The following GPHN variants were observed in gnomAD, a reference collection of about 807,000 sequenced individuals.
GPHN encodes gephyrin.
GPHN carries 17 observed loss-of-function variants against 95.5 expected under a neutral mutation model. The observed-to-expected ratio is 0.18, with a 90% CI of 0.12 to 0.27. The LOEUF is 0.27. Among genes scored for constraint, GPHN ranks in the 10% least tolerant of loss-of-function variants. The pLI is 1.00. For missense variants in GPHN, 660 were observed against 978.1 expected (o/e 0.67, Z 4.34); for synonymous variants, 320 against 322.5 (o/e 0.99, Z 0.08).
intron 12 of GPHN, among the ~76,000 whole-genome samples, chr14:67,096,656 C>T (rs1168417619): frequency 1.4e-5 from 2 of 142,766 alleles, no homozygotes; most frequent in East Asian, 2.1e-4. Context: ...CGCTATGTTG[C>T]TCTGGCTGGA....
At chr14:67,349,991 C>A in the GPHN span, among the ~76,000 whole-genome samples, 2 of 152,186 alleles carry the variant, frequency 1.3e-5, no homozygotes, top group African/African-American at 4.8e-5. Context: ...AGCCAAGTGA[C>A]CTCAGGAAGG....
chr14:67,663,117 T>C, the GPHN span: 2 of 1,524,132 alleles, frequency 1.3e-6, no homozygotes, highest in Non-Finnish European at 1.7e-6. Context: ...ACGTTATTCA[T>C]TCCCCTTTCA....
chr14:67,351,449 A>C, the GPHN span, among the ~76,000 whole-genome samples: 10 of 152,348 alleles, frequency 6.6e-5, no homozygotes, highest in East Asian at 1.9e-3. Flanking sequence ...TATGTAACTC[A>C]GAAGCTATAT....
At chr14:67,418,641 G>A in the GPHN span, among the ~76,000 whole-genome samples, 2 of 152,198 alleles carry the variant, frequency 1.3e-5, no homozygotes, top group Admixed American at 1.3e-4. Flanking sequence ...CAATGTGAGT[G>A]CGAAGTCAGC....
the GPHN span, chr14:67,503,412 G>C: frequency 6.6e-6 from 1 of 152,256 alleles, no homozygotes; most frequent in Non-Finnish European, 1.5e-5. Context: ...TCCTGGGGGC[G>C]CTGGGGAGAT....
chr14:66,768,251 C>T (rs938297447), intron 2 of GPHN, among the ~76,000 whole-genome samples: 9 of 151,508 alleles, frequency 5.9e-5, no homozygotes, highest in African/African-American at 2.2e-4. Flanking sequence ...AAAATAACAT[C>T]AATATAAATT....
the GPHN span, among the ~76,000 whole-genome samples, chr14:67,361,893 G>A: frequency 6.6e-6 from 1 of 151,868 alleles, no homozygotes; most frequent in Non-Finnish European, 1.5e-5. Context: ...TAGTATTTCT[G>A]TTCCACCTTT....
chr14:67,668,589 C>T, the GPHN span, among the ~76,000 whole-genome samples: 1 of 152,186 alleles, frequency 6.6e-6, no homozygotes, highest in Non-Finnish European at 1.5e-5. Flanking sequence ...TTCACACATT[C>T]CATCATCCAA....
At chr14:66,951,898 A>C (rs923556246) in intron 8 of GPHN, among the ~76,000 whole-genome samples, 2 of 152,212 alleles carry the variant, frequency 1.3e-5, no homozygotes, top group African/African-American at 4.8e-5. Context: ...CACAGTATAC[A>C]AAAATCAACT....
intron 2 of GPHN, among the ~76,000 whole-genome samples, chr14:66,770,014 T>C (rs540610353): frequency 6.6e-6 from 1 of 152,306 alleles, no homozygotes; most frequent in South Asian, 2.1e-4. Context: ...TTTTTAATAA[T>C]AGCCATTCTA....
intron 5 of GPHN, among the ~76,000 whole-genome samples, chr14:66,895,882 G>A (rs912808148): frequency 2.0e-5 from 3 of 152,122 alleles, no homozygotes; most frequent in African/African-American, 7.2e-5. Context: ...ATTGACTATT[G>A]TCCTGGTCCA....
intron 9 of GPHN, among the ~76,000 whole-genome samples, chr14:66,988,708 A>C (rs1327421231): frequency 6.6e-6 from 1 of 152,056 alleles, no homozygotes; most frequent in Non-Finnish European, 1.5e-5. Context: ...TACATTCATC[A>C]TATAGTCAGA....
At chr14:67,614,300 G>A in the GPHN span, among the ~76,000 whole-genome samples, 2 of 152,124 alleles carry the variant, frequency 1.3e-5, no homozygotes, top group African/African-American at 4.8e-5. Context: ...CGATGGATGA[G>A]GAAAGGTATC....
chr14:67,280,160 G>A, the GPHN span, among the ~76,000 whole-genome samples: 2 of 152,106 alleles, frequency 1.3e-5, no homozygotes, highest in African/African-American at 2.4e-5. Context: ...TTCTTATCAC[G>A]GGACTTCTCA....
chr14:67,223,398 G>A, the GPHN span, among the ~76,000 whole-genome samples: 15 of 152,324 alleles, frequency 9.8e-5, no homozygotes, highest in African/African-American at 3.6e-4. Flanking sequence ...GAACATTATA[G>A]GGAAATGCTA....
At chr14:67,449,309 C>T in the GPHN span, among the ~76,000 whole-genome samples, 1 of 152,212 alleles carries the variant, frequency 6.6e-6, no homozygotes, top group African/African-American at 2.4e-5. Flanking sequence ...ATAGAGGCTG[C>T]ATTGGATATG....
Position 67,095,965 on chromosome 14 carries a change from GCA to G in GPHN, c.1238-4890_1238-4889del, listed in dbSNP as rs1491122539. ...AAACAAAAAAAAAGAAAAGAAAAAG[GCA>G]AAAAAAAAAAAAAAAAAAAGAATTT... On this transcript the variant is annotated intron_variant, in intron 12 of 22. Coordinates refer to ENST00000478722, the MANE Select transcript of GPHN (RefSeq NM_020806.5). Among the ~76,000 whole-genome samples, 7 of 50,560 alleles carry G rather than the reference GCA, an allele frequency of 1.4e-4. No individual in the cohort carries two copies. The East Asian group carries it at 3.8e-3, about 27-fold the overall frequency. 33.2% of individuals were successfully genotyped at this position (50,560 alleles called of 152,430 possible).
intron 4 of GPHN, among the ~76,000 whole-genome samples, chr14:66,827,102 A>G (rs950625997): frequency 1.3e-5 from 2 of 152,120 alleles, no homozygotes; most frequent in Non-Finnish European, 2.9e-5. Flanking sequence ...TGGCCAACAA[A>G]GTGAGACCAT....
intron 4 of GPHN, among the ~76,000 whole-genome samples, chr14:66,864,203 A>G (rs1016677636): frequency 1.3e-5 from 2 of 152,166 alleles, no homozygotes; most frequent in Non-Finnish European, 2.9e-5. Context: ...GGCAAACAGG[A>G]CTATGAAAAG....
Sources: gnomAD v4.1 joint callset for allele counts (sites outside exome capture counted in the v4.1 genomes callset) on GRCh38, gnomAD v4.1.1 for gene constraint, MANE v1.5 for transcripts, NCBI Gene and HGNC (gene_info 2026-07-23, HGNC 2026-07-21) for gene names.